Variants in DYNC2H1 observed in about 807,000 individuals in gnomAD.
DYNC2H1 encodes dynein cytoplasmic 2 heavy chain 1, also known as cytoplasmic dynein 2 heavy chain 1.
A neutral mutation model predicts 570.0 loss-of-function variants in DYNC2H1; 410 were observed. The observed-to-expected ratio is 0.72, with a 90% CI of 0.66 to 0.78. The LOEUF is 0.78. Ranked by LOEUF, DYNC2H1 falls within the 30% of genes least tolerant of loss-of-function variation. The pLI is 0.00. For synonymous variants in DYNC2H1, 1,688 were observed against 1,677.6 expected (o/e 1.01, Z -0.15); for missense variants, 4,865 against 5,046.4 (o/e 0.96, Z 1.09).
rs1858795407 is a variant in DYNC2H1, at chr11:103,122,957, A to C, written c.1618A>C (p.Arg540=). The change falls in exon 11 of 89, where the codon AGG becomes CGG. Residue 540 remains arginine, a synonymous_variant. Transcript: ENST00000375735. ...ACAGGAACAATTTGATGATTGGTCC[A>C]GGGATATTCAATCAGGTTTATCTGA... is the stretch of plus-strand genomic sequence containing the variant. The part of the protein sequence containing the change: ...YEQEQFDDWS[R]DIQSGLSDSR... The C allele has an allele frequency of 2.5e-6, 4 of 1,592,962 alleles. No individual in the cohort carries two copies. Among genetic ancestry groups the C allele is most frequent in the Non-Finnish European group, 2.6e-6 (3 of 1,166,494 alleles).
At position 103,369,431 on chromosome 11, in the gene DYNC2H1, C is replaced by T. The variant is rs1256583073; in HGVS notation, c.12156+11072C>T. On this transcript the variant is annotated intron_variant, in intron 83 of 88. Coordinates refer to ENST00000375735, the MANE Select transcript of DYNC2H1 (RefSeq NM_001377.3). The surrounding 1 kb of genome is among the most constrained non-coding windows in gnomAD (Gnocchi z 4.0). Reference sequence around the variant, plus strand: ...GTGAGTAATGCTGCTGAACTAGGCCCAGAGACAGTGAACTGGAAGGGACAC... The same window carrying T: ...GTGAGTAATGCTGCTGAACTAGGCCTAGAGACAGTGAACTGGAAGGGACAC... 1.3e-5 allele frequency among the ~76,000 whole-genome samples: 2 copies of T among 152,158 alleles called. No individual in the cohort carries two copies. Among genetic ancestry groups the T allele is most frequent in the Non-Finnish European group, 2.9e-5 (2 of 68,028 alleles).
At position 103,249,172 on chromosome 11, in the gene DYNC2H1, A is replaced by T. The variant is rs941332624; in HGVS notation, c.10042+3798A>T. On this transcript the variant is annotated intron_variant, in intron 65 of 88. Transcript: ENST00000375735. This position sits in a 1 kb window ranked among gnomAD's most constrained non-coding sequence, Gnocchi z 4.6. ...ATTTGATATTTTCTATGAATAAGAG[A>T]TGAGACAACACTGAAGAGTCTTTTT... 7.2e-5 allele frequency among the ~76,000 whole-genome samples: 11 copies of T among 151,976 alleles called. No individual in the cohort carries two copies. The highest frequency in any genetic ancestry group is 1.6e-4 in the Non-Finnish European group (11 of 67,934).
At chr11:103,376,537 A>T (rs1941401984) in intron 83 of DYNC2H1, among the ~76,000 whole-genome samples, 1 of 152,160 alleles carries the variant, frequency 6.6e-6, no homozygotes, top group Non-Finnish European at 1.5e-5. Context: ...GTAACAGAGT[A>T]TTTTAAGCTG....
intron 13 of DYNC2H1, among the ~76,000 whole-genome samples, chr11:103,130,208 T>G (rs1859204330): frequency 6.6e-6 from 1 of 152,186 alleles, no homozygotes; most frequent in Non-Finnish European, 1.5e-5. Flanking sequence ...CTGCCTAGTA[T>G]GCACTGAAAT....
At chr11:103,112,610 A>G (rs1858166056) in intron 1 of DYNC2H1, among the ~76,000 whole-genome samples, 1 of 152,250 alleles carries the variant, frequency 6.6e-6, no homozygotes, top group Non-Finnish European at 1.5e-5. Context: ...TTCATGTGTC[A>G]TGAAATGTTA....
intron 70 of DYNC2H1, among the ~76,000 whole-genome samples, chr11:103,278,317 A>G (rs1298549980): frequency 6.6e-6 from 1 of 152,190 alleles, no homozygotes; most frequent in African/African-American, 2.4e-5. Flanking sequence ...AAATGATAAT[A>G]ACTAATGTTT....
intron 29 of DYNC2H1, among the ~76,000 whole-genome samples, chr11:103,161,399 T>C (rs566476112): frequency 2.4e-4 from 37 of 152,272 alleles, no homozygotes; most frequent in Non-Finnish European, 1.2e-4. Flanking sequence ...GTATGTCTTA[T>C]CCAAAGTATT....
Position 103,479,863 on chromosome 11 carries a change from G to A in DYNC2H1, c.*610G>A, listed in dbSNP as rs1277154186. 1 of 151,978 alleles carries A rather than the reference G, an allele frequency of 6.6e-6. No homozygotes were observed. The highest frequency in any genetic ancestry group is 1.5e-5 in the Non-Finnish European group (1 of 67,972). 9.4% of individuals were successfully genotyped at this position (151,978 alleles called of 1,614,324 possible). A position where few individuals can be genotyped will look rare whatever the true frequency, so the allele number is the denominator to read the frequency against. On this transcript the variant is annotated 3_prime_UTR_variant, in exon 89 of 89. Coordinates refer to ENST00000375735, the MANE Select transcript of DYNC2H1 (RefSeq NM_001377.3). The stretch of plus-strand genomic sequence containing the variant: ...GTTATTAAACATTCAGCTTTTTTGT[G>A]TTTTTGTTGTTGTTTTTTGAGACAG...
chr11:103,157,371 C>T lies in DYNC2H1; in HGVS notation c.4127+601C>T, dbSNP rs563510554. On this transcript the variant is annotated intron_variant, in intron 26 of 88. Coordinates refer to ENST00000375735, the MANE Select transcript of DYNC2H1 (RefSeq NM_001377.3). The surrounding 1 kb of genome is among the most constrained non-coding windows in gnomAD (Gnocchi z 4.2). ...TTTCTCTTCTGAGCTCCAAATCTACCAAACATGCTCAAATAGTAGGCTAAA... is the reference window on the plus strand; with the variant it reads ...TTTCTCTTCTGAGCTCCAAATCTACTAAACATGCTCAAATAGTAGGCTAAA... 1.3e-5 allele frequency among the ~76,000 whole-genome samples: 2 copies of T among 152,322 alleles called. No homozygotes were observed. The highest frequency in any genetic ancestry group is 4.1e-4 in the South Asian group (2 of 4,828).
intron 82 of DYNC2H1, among the ~76,000 whole-genome samples, chr11:103,356,374 A>G (rs1256111172): frequency 1.3e-5 from 2 of 152,178 alleles, no homozygotes; most frequent in Admixed American, 6.5e-5. Flanking sequence ...AGTATTATTT[A>G]AAAAGAAATC....
intron 54 of DYNC2H1, among the ~76,000 whole-genome samples, chr11:103,212,525 C>CTTTTTTTTTT (rs2135124391): frequency 6.6e-6 from 1 of 151,940 alleles, no homozygotes; most frequent in African/African-American, 2.4e-5. Flanking sequence ...TTATAATAAC[C>CTTTTTTTTTT]TTTAAAATTA....
rs143827369 is a variant in DYNC2H1 at position 103,365,132 on chromosome 11, G to A, written c.12156+6773G>A. Among the ~76,000 whole-genome samples, 1,483 of 152,154 alleles carry A rather than the reference G, an allele frequency of 9.7e-3. 17 individuals carry two copies. The highest frequency in any genetic ancestry group is 0.016 in the Non-Finnish European group (1,079 of 67,992). Reference sequence around the variant, plus strand: ...TCCCAGCATTTTGGGAGGCCGAGGCGGGTGGGATAATCTGAGGCCAGGAGT... The same window carrying A: ...TCCCAGCATTTTGGGAGGCCGAGGCAGGTGGGATAATCTGAGGCCAGGAGT... On this transcript the variant is annotated intron_variant, in intron 83 of 88. Transcript: ENST00000375735.
At chr11:103,284,371 A>T (rs1436177786) in intron 73 of DYNC2H1, among the ~76,000 whole-genome samples, 1 of 152,192 alleles carries the variant, frequency 6.6e-6, no homozygotes, top group Non-Finnish European at 1.5e-5. Context: ...TAATGCTTTA[A>T]CTACTGACAA....
chr11:103,300,294 T>C (rs943114026), intron 75 of DYNC2H1, among the ~76,000 whole-genome samples: 10 of 152,072 alleles, frequency 6.6e-5, no homozygotes, highest in African/African-American at 2.2e-4. Context: ...CTTATTTTTT[T>C]GAAGGAAGTG....
intron 59 of DYNC2H1, 44 bp from the exon 60 acceptor site, chr11:103,231,216 T>TA (rs750370460): frequency 8.2e-7 from 1 of 1,214,558 alleles, no homozygotes; most frequent in South Asian, 1.5e-5. Flanking sequence ...TTATAGTTGA[T>TA]ATCTAAAATA....
Position 103,311,916 on chromosome 11 carries a change from T to C in DYNC2H1, c.11532T>C (p.Tyr3844=), listed in dbSNP as rs767231470. 8 of 1,612,912 alleles carry C rather than the reference T, an allele frequency of 5.0e-6. No homozygotes were observed. The highest frequency in any genetic ancestry group is 1.3e-5 in the African/African-American group (1 of 74,904). ...PGLKKNLMRT[Y]ESWTPEQISK... is the part of the protein sequence containing the mutation. ...TAAAGAAGAATTTAATGCGTACTTA[T>C]GAGTCTTGGACTCCTGAGCAAATTA... Residue 3844 remains tyrosine (Y), a synonymous_variant, in exon 79 of 89, where the codon TAT becomes TAC. Coordinates refer to ENST00000375735, the MANE Select transcript of DYNC2H1 (RefSeq NM_001377.3).
intron 26 of DYNC2H1, 106 bp from the exon 27 acceptor site, chr11:103,158,571 T>C (rs1490985966): frequency 4.8e-6 from 4 of 829,832 alleles, no homozygotes; most frequent in Non-Finnish European, 7.5e-6. Context: ...GTTATAATAG[T>C]GTTACCTTTA....
chr11:103,273,331 G>A (rs1307677610), intron 70 of DYNC2H1, among the ~76,000 whole-genome samples: 2 of 151,886 alleles, frequency 1.3e-5, no homozygotes, highest in Non-Finnish European at 2.9e-5. Flanking sequence ...TGGGACTACA[G>A]GCACACACCA....
chr11:103,283,866 A>G (rs1866242200), intron 73 of DYNC2H1, among the ~76,000 whole-genome samples: 2 of 152,010 alleles, frequency 1.3e-5, no homozygotes. Flanking sequence ...GAATTCTGCT[A>G]TATATCCTCC....
Sources: allele counts gnomAD v4.1 joint callset (sites outside exome capture counted in the v4.1 genomes callset), GRCh38; gene constraint gnomAD v4.1.1; non-coding constraint Gnocchi (gnomAD v3.1); transcripts MANE v1.5; gene names NCBI Gene and HGNC (gene_info 2026-07-23, HGNC 2026-07-21).